KCNQ3: variants seen among roughly 807,000 people sequenced by gnomAD.
KCNQ3 encodes the protein potassium voltage-gated channel subfamily KQT member 3.
KCNQ3 carries 30 observed loss-of-function variants against 92.5 expected under a neutral mutation model. That is an observed-to-expected ratio of 0.32 (90% CI 0.24 to 0.44). The LOEUF (loss-of-function observed/expected upper bound fraction) is 0.44, where lower values mean the gene tolerates loss of function less well. Ranked by LOEUF, KCNQ3 falls within the 20% of genes least tolerant of loss-of-function variation. The probability of loss-of-function intolerance (pLI) is 1.00; values close to 1 mark genes in which losing one functional copy is unlikely to be tolerated. For synonymous variants in KCNQ3, 450 were observed against 468.8 expected (o/e 0.96, Z 0.52); for missense variants, 913 against 1,140.3 (o/e 0.80, Z 2.87).
chr8:132,308,570 T>TG (rs1817501583), intron 1 of KCNQ3, among the ~76,000 whole-genome samples: 2 of 152,136 alleles, frequency 1.3e-5, no homozygotes, highest in Non-Finnish European at 2.9e-5. Context: ...GGGGCACACG[T>TG]AAGGGAAATC....
chr8:132,326,539 G>A (rs1287558868), intron 1 of KCNQ3, among the ~76,000 whole-genome samples: 1 of 152,174 alleles, frequency 6.6e-6, no homozygotes, highest in East Asian at 1.9e-4. Flanking sequence ...ACAGTATTAA[G>A]GGATGATTGA....
intron 1 of KCNQ3, among the ~76,000 whole-genome samples, chr8:132,456,283 T>C (rs1228788758): frequency 6.6e-6 from 1 of 152,168 alleles, no homozygotes; most frequent in African/African-American, 2.4e-5. Flanking sequence ...TTGTGCAGCC[T>C]GGGGAGGGGT....
At chr8:132,223,916 C>G (rs1207283811) in intron 1 of KCNQ3, among the ~76,000 whole-genome samples, 1 of 151,608 alleles carries the variant, frequency 6.6e-6, no homozygotes, top group Non-Finnish European at 1.5e-5. Context: ...CAAATCTAAC[C>G]ACCAGGATCA....
intron 1 of KCNQ3, among the ~76,000 whole-genome samples, chr8:132,318,891 A>G (rs953534574): frequency 6.6e-6 from 1 of 152,192 alleles, no homozygotes; most frequent in Non-Finnish European, 1.5e-5. Context: ...TTGGAGAAGT[A>G]CCTTGAATTG....
At chr8:132,334,895 C>G (rs937545865) in intron 1 of KCNQ3, among the ~76,000 whole-genome samples, 1 of 152,214 alleles carries the variant, frequency 6.6e-6, no homozygotes, top group Non-Finnish European at 1.5e-5. Context: ...CCCCACACTT[C>G]TGACTTCTCT....
chr8:132,267,190 G>A (rs1287692353), intron 1 of KCNQ3, among the ~76,000 whole-genome samples: 1 of 152,046 alleles, frequency 6.6e-6, no homozygotes, highest in African/African-American at 2.4e-5. Flanking sequence ...TAAAAAAAGT[G>A]GCTATAATCC....
chr8:132,282,748 C>T (rs1435109589), intron 1 of KCNQ3, among the ~76,000 whole-genome samples: 1 of 152,204 alleles, frequency 6.6e-6, no homozygotes, highest in Admixed American at 6.5e-5. Context: ...TTGTCAAGAG[C>T]TCTGCTTCCA....
chr8:132,151,476 T>C (rs191391848), intron 9 of KCNQ3, among the ~76,000 whole-genome samples: 72 of 152,338 alleles, frequency 4.7e-4, no homozygotes, highest in Non-Finnish European at 7.9e-4. Flanking sequence ...TCTTACAAAA[T>C]TCCATGTGTG....
intron 4 of KCNQ3, among the ~76,000 whole-genome samples, chr8:132,175,991 C>T (rs1826538237): frequency 6.6e-6 from 1 of 152,246 alleles, no homozygotes; most frequent in African/African-American, 2.4e-5. Flanking sequence ...GGAGAAAGCT[C>T]GGTACAACCA....
chr8:132,468,137 T>G (rs1822217829), intron 1 of KCNQ3, among the ~76,000 whole-genome samples: 1 of 152,246 alleles, frequency 6.6e-6, no homozygotes, highest in South Asian at 2.1e-4. Flanking sequence ...GATTATTAAG[T>G]ACTGCTGGTT....
At chr8:132,178,640 G>A (rs1031896314) in intron 4 of KCNQ3, among the ~76,000 whole-genome samples, 15 of 152,012 alleles carry the variant, frequency 9.9e-5, no homozygotes, top group Non-Finnish European at 1.8e-4. Flanking sequence ...GTTGCTGTCT[G>A]ACTCTCAAGC....
At chr8:132,151,459 AAATT>A (rs1825634212) in intron 9 of KCNQ3, among the ~76,000 whole-genome samples, 1 of 152,256 alleles carries the variant, frequency 6.6e-6, no homozygotes, top group South Asian at 2.1e-4. Context: ...AGGATTGTAA[AAATT>A]AATCTTACAA....
chr8:132,277,943 C>T, intron 1 of KCNQ3: 1 of 985,262 alleles, frequency 1.0e-6, no homozygotes, highest in Non-Finnish European at 1.2e-6. Flanking sequence ...CACTGCTTTC[C>T]ATTTGGCATT....
Position 132,129,713 on chromosome 8 carries a change from C to T in KCNQ3, c.2168G>A (p.Gly723Glu), listed in dbSNP as rs142149782. ...FAHDPVNLPRGGPSSGKVQAT... is the reference protein window; with the variant it reads ...FAHDPVNLPREGPSSGKVQAT... Reference sequence around the variant, plus strand: ...CTGAACCTTTCCAGAACTGGGTCCCCCTCGGGGCAGGTTCACAGGGTCATG... The same window carrying T: ...CTGAACCTTTCCAGAACTGGGTCCCTCTCGGGGCAGGTTCACAGGGTCATG... The change falls in exon 15 of 15, where the codon GGG becomes GAG. Residue 723 changes from glycine (G) to glutamate (E), a missense_variant. By Grantham distance (98) the Gly-to-Glu change is moderately conservative. Coordinates refer to ENST00000388996, the MANE Select transcript of KCNQ3 (RefSeq NM_004519.4). The surrounding 1 kb of genome is among the most constrained non-coding windows in gnomAD (Gnocchi z 5.9). The T allele has an allele frequency of 5.5e-4, 890 of 1,614,146 alleles. 4 individuals are homozygous for T. In the African/African-American group the frequency reaches 0.011, roughly 19 times the overall value.
At chr8:132,428,599 C>T (rs1821169076) in intron 1 of KCNQ3, among the ~76,000 whole-genome samples, 1 of 152,114 alleles carries the variant, frequency 6.6e-6, no homozygotes, top group Non-Finnish European at 1.5e-5. Flanking sequence ...ATGGTGAACA[C>T]TTAAAATGCT....
At chr8:132,462,408 G>T (rs188061387) in intron 1 of KCNQ3, among the ~76,000 whole-genome samples, 1 of 152,100 alleles carries the variant, frequency 6.6e-6, no homozygotes, top group Non-Finnish European at 1.5e-5. Context: ...AGCTGGTCTT[G>T]AACTCTTGAC....
At chr8:132,276,323 G>A (rs1369991609) in intron 1 of KCNQ3, among the ~76,000 whole-genome samples, 1 of 152,086 alleles carries the variant, frequency 6.6e-6, no homozygotes, top group African/African-American at 2.4e-5. Context: ...GGAAATGAAG[G>A]TGCTGAGGTG....
chr8:132,307,143 G>A (rs1330702949), intron 1 of KCNQ3, among the ~76,000 whole-genome samples: 1 of 152,218 alleles, frequency 6.6e-6, no homozygotes, highest in Non-Finnish European at 1.5e-5. Flanking sequence ...GCCTGAGTTT[G>A]TGGTACCTTG....
At chr8:132,380,836 GCC>G (rs757821976) in intron 1 of KCNQ3, among the ~76,000 whole-genome samples, 62 of 149,742 alleles carry the variant, frequency 4.1e-4, no homozygotes, top group Non-Finnish European at 8.0e-4. Context: ...AGACCTCCCA[GCC>G]CCAGAGAAAG....
Sources: allele counts gnomAD v4.1 joint callset (sites outside exome capture counted in the v4.1 genomes callset), GRCh38; gene constraint gnomAD v4.1.1; non-coding constraint Gnocchi (gnomAD v3.1); transcripts MANE v1.5; gene names NCBI Gene and HGNC (gene_info 2026-07-23, HGNC 2026-07-21).